Variants in ABTB2 observed in about 807,000 individuals in gnomAD.
ABTB2 encodes the protein ankyrin repeat and BTB/POZ domain-containing protein 2.
Under a neutral mutation model 104.1 loss-of-function variants are expected in ABTB2, and 56 were observed. The observed-to-expected ratio is 0.54, with a 90% confidence interval of 0.43 to 0.67. The LOEUF is 0.67. ABTB2 is among the 30% of genes least tolerant of loss of function. The probability of loss-of-function intolerance (pLI) is 0.00; values close to 1 mark genes in which losing one functional copy is unlikely to be tolerated. For synonymous variants in ABTB2, 606 were observed against 608.2 expected (o/e 1.00, Z 0.05); for missense variants, 1,279 against 1,407.7 (o/e 0.91, Z 1.46).
chr11:34,354,276 G>A (rs1236871003), intron 1 of ABTB2, among the ~76,000 whole-genome samples: 1 of 152,044 alleles, frequency 6.6e-6, no homozygotes, highest in Admixed American at 6.6e-5. Context: ...TGACTACCCA[G>A]GATTAAGGAG....
Position 34,252,474 on chromosome 11 carries a change from C to T in ABTB2, c.884-47784G>A, listed in dbSNP as rs117241885. Among the ~76,000 whole-genome samples the T allele has an allele frequency of 0.042, 6,322 of 152,228 alleles. 183 individuals are homozygous for T. Among genetic ancestry groups the T allele is most frequent in the Non-Finnish European group, 0.063 (4,254 of 68,006 alleles). On this transcript the variant is annotated intron_variant, in intron 1 of 16. Coordinates refer to ENST00000435224, the MANE Select transcript of ABTB2 (RefSeq NM_145804.3). This position sits in a 1 kb window ranked among gnomAD's most constrained non-coding sequence, Gnocchi z 5.5. ...CTGGACATCATGACCTCCCCACCAC[C>T]GCTGGGCATGACCCTAAGAGAAAGA...
intron 1 of ABTB2, among the ~76,000 whole-genome samples, chr11:34,232,323 G>A (rs558937006): frequency 4.1e-4 from 62 of 152,110 alleles, no homozygotes; most frequent in African/African-American, 1.4e-3. Flanking sequence ...AGTGGTGCAC[G>A]CCTGTAGCGC....
intron 1 of ABTB2, among the ~76,000 whole-genome samples, chr11:34,353,162 A>G (rs1002402192): frequency 2.0e-5 from 3 of 152,260 alleles, no homozygotes; most frequent in African/African-American, 7.2e-5. Flanking sequence ...ACTAGGATAG[A>G]GCAATCCTTT....
chr11:34,242,720 G>A (rs1435684328), intron 1 of ABTB2, among the ~76,000 whole-genome samples: 6 of 152,146 alleles, frequency 3.9e-5, no homozygotes, highest in Non-Finnish European at 7.4e-5. Context: ...GTGTATGACA[G>A]ATCTAACTAA....
At chr11:34,194,833 T>A (rs1853228766) in intron 3 of ABTB2, among the ~76,000 whole-genome samples, 1 of 152,030 alleles carries the variant, frequency 6.6e-6, no homozygotes, top group Non-Finnish European at 1.5e-5. Context: ...GATATTCATT[T>A]GAAATGATTC....
chr11:34,240,127 C>A (rs1427546323), intron 1 of ABTB2, among the ~76,000 whole-genome samples: 5 of 152,056 alleles, frequency 3.3e-5, no homozygotes, highest in Admixed American at 6.6e-5. Context: ...CCATTTTTTT[C>A]CCCTGGGTTT....
chr11:34,198,100 G>A (rs987534338), intron 2 of ABTB2, among the ~76,000 whole-genome samples: 7 of 152,140 alleles, frequency 4.6e-5, no homozygotes, highest in Non-Finnish European at 8.8e-5. Flanking sequence ...ACAGTGCTAG[G>A]GGGTATTATT....
intron 1 of ABTB2, among the ~76,000 whole-genome samples, chr11:34,218,639 C>T (rs1248104376): frequency 1.3e-5 from 2 of 151,906 alleles, no homozygotes; most frequent in Admixed American, 6.6e-5. Context: ...CACCTGAGGT[C>T]GGGAGTTCCA....
chr11:34,288,994 A>G (rs1422534751), intron 1 of ABTB2, among the ~76,000 whole-genome samples: 1 of 152,214 alleles, frequency 6.6e-6, no homozygotes, highest in Non-Finnish European at 1.5e-5. Context: ...ATGTTTGTTA[A>G]ATGAGAATCT....
intron 16 of ABTB2, among the ~76,000 whole-genome samples, chr11:34,152,786 A>T (rs972999979): frequency 3.3e-5 from 5 of 152,154 alleles, no homozygotes; most frequent in Non-Finnish European, 7.4e-5. Context: ...TGCCTGTGTC[A>T]TACTGTCATG....
intron 1 of ABTB2, among the ~76,000 whole-genome samples, chr11:34,232,421 G>A (rs1292571757): frequency 7.1e-6 from 1 of 140,326 alleles, no homozygotes; most frequent in Non-Finnish European, 1.5e-5. Context: ...CTGCACTCCA[G>A]CCTGGGCAAT....
At chr11:34,350,222 A>T (rs1010013218) in intron 1 of ABTB2, among the ~76,000 whole-genome samples, 1 of 151,842 alleles carries the variant, frequency 6.6e-6, no homozygotes, top group Admixed American at 6.6e-5. Flanking sequence ...GCCGGACACC[A>T]TGGGGGACTC....
intron 1 of ABTB2, among the ~76,000 whole-genome samples, chr11:34,243,518 C>T (rs1432572057): frequency 2.0e-5 from 3 of 152,238 alleles, no homozygotes; most frequent in Non-Finnish European, 4.4e-5. Context: ...AAATCACTGA[C>T]ACTGCAAGCA....
Position 34,173,053 on chromosome 11 carries a change from C to T in ABTB2, c.1397+102G>A, listed in dbSNP as rs370241696. The T allele has an allele frequency of 2.8e-4, 411 of 1,459,800 alleles. 2 individuals carry two copies. In the African/African-American group the frequency reaches 5.0e-3, roughly 18 times the overall value. The allele number at this position is 1,459,800 out of a possible 1,614,324, so 90.4% of individuals were successfully genotyped here. A position where few individuals can be genotyped will look rare whatever the true frequency, so the allele number is the denominator to read the frequency against. On this transcript the variant is annotated intron_variant, in intron 4 of 16. Transcript: ENST00000435224. ...CAGCTCAAATGTGCTGCAGCCCCTG[C>T]TCTCTGACCCCCGCCCAGCCATCTG...
At position 34,167,890 on chromosome 11, in the gene ABTB2, G is replaced by T; in HGVS notation, c.1653+13C>A. The T allele has an allele frequency of 6.2e-7, 1 of 1,613,810 alleles. No individual in the cohort carries two copies. The highest frequency in any genetic ancestry group is 2.2e-5 in the East Asian group (1 of 44,868). On this transcript the variant is annotated intron_variant, in intron 6 of 16. Transcript: ENST00000435224. ...GCCTAGGGCCTGGGTGCAGCTCTGT[G>T]GGGCTTCCTCACCTGGATGTCCAAG...
At chr11:34,173,393 T>C in intron 3 of ABTB2, 86 bp from the exon 4 acceptor site, 2 of 1,440,526 alleles carry the variant, frequency 1.4e-6, no homozygotes, top group Non-Finnish European at 1.9e-6. Context: ...AGGGTGCTTC[T>C]TGTGGGGCAG....
intron 1 of ABTB2, among the ~76,000 whole-genome samples, chr11:34,258,655 A>G (rs564053066): frequency 8.1e-6 from 1 of 123,662 alleles, no homozygotes; most frequent in South Asian, 2.5e-4. Flanking sequence ...CTTGTTGCCT[A>G]GGCTGGAGTG....
intron 3 of ABTB2, among the ~76,000 whole-genome samples, chr11:34,181,975 C>T (rs1025533303): frequency 2.0e-4 from 31 of 152,212 alleles, no homozygotes; most frequent in African/African-American, 6.8e-4. Flanking sequence ...TGGATCATGC[C>T]GTGAAACACA....
In ABTB2 at chr11:34,238,669, G is replaced by A. The variant is rs149915118; in HGVS notation, c.884-33979C>T. Among the ~76,000 whole-genome samples the A allele has an allele frequency of 6.5e-3, 987 of 152,312 alleles. 8 individuals are homozygous for A. Among genetic ancestry groups the A allele is most frequent in the Non-Finnish European group, 9.2e-3 (625 of 68,026 alleles). ...CTAAGACATGGAAGCAGAGTGACTGGCCTGAGCTCACAGCCTGAGCTGGGA... is the reference window on the plus strand; with the variant it reads ...CTAAGACATGGAAGCAGAGTGACTGACCTGAGCTCACAGCCTGAGCTGGGA... On this transcript the variant is annotated intron_variant, in intron 1 of 16. Transcript: ENST00000435224.
Sources: allele counts gnomAD v4.1 joint callset (sites outside exome capture counted in the v4.1 genomes callset), GRCh38; gene constraint gnomAD v4.1.1; non-coding constraint Gnocchi (gnomAD v3.1); transcripts MANE v1.5; gene names NCBI Gene and HGNC (gene_info 2026-07-23, HGNC 2026-07-21).